The following NDC80 variants were observed in gnomAD, a reference collection of about 807,000 sequenced individuals.
NDC80 encodes NDC80 kinetochore complex component.
A neutral mutation model predicts 89.3 loss-of-function variants in NDC80; 69 were observed. That is an observed-to-expected ratio of 0.77 (90% CI 0.64 to 0.94). The LOEUF is 0.94. Among genes scored for constraint, NDC80 ranks in the 40% least tolerant of loss-of-function variants. The pLI is 0.00. For missense variants in NDC80, 593 were observed against 739.6 expected, an observed-to-expected ratio of 0.80 and a Z score of 2.30; for synonymous variants, 243 against 255.6, an observed-to-expected ratio of 0.95 and a Z score of 0.47.
intron 11 of NDC80, among the ~76,000 whole-genome samples, chr18:2,597,744 AAAGT>A (rs1220007926): frequency 1.6e-4 from 24 of 150,854 alleles, no homozygotes; most frequent in African/African-American, 5.6e-4. Context: ...AAAAAAAAAT[AAAGT>A]TAAAGACAGT....
chr18:2,588,089 A>G (rs1186447882), intron 8 of NDC80, among the ~76,000 whole-genome samples, 166 bp downstream of exon 8: 2 of 152,214 alleles, frequency 1.3e-5, no homozygotes, highest in South Asian at 2.1e-4. Flanking sequence ...GAGAAGTTAA[A>G]CAAAAAGAAT....
rs547975289 is a variant in NDC80, at chr18:2,571,601, G to C, written c.-92G>C. ...GGGCCGAGGAAGGACCTGGTGTTTT[G>C]ATGACCGCTGTCCTGTCTAGCAGAT... On this transcript the variant is annotated 5_prime_UTR_variant, in exon 1 of 17. Coordinates refer to ENST00000261597, the MANE Select transcript of NDC80 (RefSeq NM_006101.3). 1 of 152,280 alleles carries C rather than the reference G, an allele frequency of 6.6e-6. No homozygotes were observed. The highest frequency in any genetic ancestry group is 1.5e-5 in the Non-Finnish European group (1 of 68,056). The allele number at this position is 152,280 out of a possible 1,614,324, so 9.4% of individuals were successfully genotyped here. A position where few individuals can be genotyped will look rare whatever the true frequency, so the allele number is the denominator to read the frequency against.
chr18:2,597,968 T>TTA (rs973211616), intron 11 of NDC80, among the ~76,000 whole-genome samples: 7 of 152,174 alleles, frequency 4.6e-5, no homozygotes, highest in African/African-American at 1.2e-4. Context: ...TAATAGGCTG[T>TTA]TATATATATG....
chr18:2,592,420 A>G (rs943161085), intron 10 of NDC80, among the ~76,000 whole-genome samples: 6 of 151,506 alleles, frequency 4.0e-5, no homozygotes, highest in Non-Finnish European at 7.4e-5. Context: ...GAGTGGCTCA[A>G]TCTTGGCTCA....
At chr18:2,597,742 AT>A (rs1568006152) in intron 11 of NDC80, among the ~76,000 whole-genome samples, 24 of 149,806 alleles carry the variant, frequency 1.6e-4, no homozygotes, top group African/African-American at 5.6e-4. Context: ...AAAAAAAAAA[AT>A]AAAGTTAAAG....
rs1166256840 is a variant in NDC80 at position 2,597,534 on chromosome 18, C to T, written c.1222-1485C>T. On this transcript the variant is annotated intron_variant, in intron 11 of 16. Coordinates refer to ENST00000261597, the MANE Select transcript of NDC80 (RefSeq NM_006101.3). ...TCATCAGAAGTTATGACTTCGAGAC[C>T]AGCCTGGCCAACATGGTGAAACCCC... Among the ~76,000 whole-genome samples the T allele has an allele frequency of 3.9e-5, 6 of 152,144 alleles. No individual in the cohort carries two copies. In the East Asian group the frequency reaches 1.2e-3, roughly 29 times the overall value.
intron 2 of NDC80, among the ~76,000 whole-genome samples, chr18:2,574,207 G>A (rs887633847): frequency 6.6e-6 from 1 of 152,120 alleles, no homozygotes; most frequent in African/African-American, 2.4e-5. Flanking sequence ...GATGCTAGAG[G>A]CTAGGAAGCA....
intron 12 of NDC80, 76 bp from the exon 13 acceptor site, chr18:2,601,319 AC>A (rs1488845309): frequency 1.9e-6 from 1 of 539,636 alleles, no homozygotes; most frequent in African/African-American, 2.0e-5. Context: ...TCCTCCTATC[AC>A]AGTGTGTAGA....
intron 2 of NDC80, among the ~76,000 whole-genome samples, chr18:2,574,437 G>C (rs975178111): frequency 6.6e-6 from 1 of 152,100 alleles, no homozygotes; most frequent in Non-Finnish European, 1.5e-5. Context: ...TCTGATCACT[G>C]TACATTATAT....
Position 2,578,050 on chromosome 18 carries a change from T to G in NDC80, c.385T>G (p.Phe129Val). 6.2e-7 allele frequency: 1 copy of G among 1,614,122 alleles called. No individual in the cohort carries two copies. Among genetic ancestry groups the G allele is most frequent in the African/African-American group, 1.3e-5 (1 of 75,060 alleles). Residue 129 changes from phenylalanine to valine, a missense_variant, in exon 5 of 17, where the codon TTC becomes GTC. Transcript: ENST00000261597. ...APSVKDFLKI[F>V]TFLYGFLCPS... Reference sequence around the variant, plus strand: ...CTCTGTTAAAGACTTCCTGAAGATCTTCACATTTCTTTATGGCTTCCTGTG... The same window carrying G: ...CTCTGTTAAAGACTTCCTGAAGATCGTCACATTTCTTTATGGCTTCCTGTG...
At chr18:2,574,109 G>A (rs2072533795) in intron 2 of NDC80, among the ~76,000 whole-genome samples, 1 of 152,134 alleles carries the variant, frequency 6.6e-6, no homozygotes, top group African/African-American at 2.4e-5. Flanking sequence ...TGGTAAATAA[G>A]TGAAATAAGC....
intron 11 of NDC80, 91 bp downstream of exon 11, chr18:2,595,712 A>T (rs2143652523): frequency 9.3e-7 from 1 of 1,076,654 alleles, no homozygotes; most frequent in East Asian, 2.5e-5. Flanking sequence ...GGGTAGAGTA[A>T]ATTGGCTTAA....
intron 12 of NDC80, among the ~76,000 whole-genome samples, chr18:2,599,417 C>G (rs570818634): frequency 7.5e-4 from 114 of 152,098 alleles, no homozygotes; most frequent in African/African-American, 2.6e-3. Context: ...TGCTAATGAT[C>G]CCCCCAGAGG....
chr18:2,597,743 T>A (rs1326936605), intron 11 of NDC80, among the ~76,000 whole-genome samples: 1 of 143,308 alleles, frequency 7.0e-6, no homozygotes, highest in South Asian at 2.2e-4. Flanking sequence ...AAAAAAAAAA[T>A]AAAGTTAAAG....
At position 2,575,008 on chromosome 18, in the gene NDC80, G is replaced by T. The variant is rs1214209830; in HGVS notation, c.121G>T (p.Gly41Ter). The change falls in exon 3 of 17, where the codon GGA becomes TGA. Residue 41 changes from glycine (G) to a stop codon, truncating the protein, a stop_gained. Transcript: ENST00000261597. LOFTEE classifies it high-confidence loss of function. ...TPQTKEKPTF[G>*]KLSINKPTSE... ...TTAAAGCAAAGAGAAACCAACCTTTGGAAAGTTGAGTATAAACAAACCGAC... is the reference window on the plus strand; with the variant it reads ...TTAAAGCAAAGAGAAACCAACCTTTTGAAAGTTGAGTATAAACAAACCGAC... The T allele has an allele frequency of 1.2e-6, 2 of 1,608,588 alleles. No homozygotes were observed. Among genetic ancestry groups the T allele is most frequent in the Admixed American group, 1.7e-5 (1 of 59,300 alleles).
intron 5 of NDC80, among the ~76,000 whole-genome samples, 164 bp downstream of exon 5, chr18:2,578,305 C>T (rs1459600484): frequency 6.6e-6 from 1 of 151,654 alleles, no homozygotes; most frequent in African/African-American, 2.4e-5. Context: ...CAACTGCTTA[C>T]AAAAAAACAA....
chr18:2,573,667 A>G (rs1017261296), intron 2 of NDC80, among the ~76,000 whole-genome samples: 1 of 152,230 alleles, frequency 6.6e-6, no homozygotes, highest in Admixed American at 6.5e-5. Context: ...CTTCTCTAGT[A>G]CCGAGGTACA....
At chr18:2,581,342 C>A (rs1392612197) in intron 6 of NDC80, among the ~76,000 whole-genome samples, 1 of 152,104 alleles carries the variant, frequency 6.6e-6, no homozygotes, top group Non-Finnish European at 1.5e-5. Context: ...ATAATTCACT[C>A]ATGTATCACA....
At chr18:2,592,528 A>T (rs1054443941) in intron 10 of NDC80, among the ~76,000 whole-genome samples, 2 of 150,280 alleles carry the variant, frequency 1.3e-5, no homozygotes, top group Non-Finnish European at 3.0e-5. Context: ...GCTAATTTTC[A>T]TTTTTTTTAG....
Sources: allele counts gnomAD v4.1 joint callset (sites outside exome capture counted in the v4.1 genomes callset), GRCh38; gene constraint gnomAD v4.1.1; transcripts MANE v1.5; gene names NCBI Gene and HGNC (gene_info 2026-07-23, HGNC 2026-07-21).